The following ASRGL1 variants were observed in gnomAD, a reference collection of about 807,000 sequenced individuals.
ASRGL1 encodes the protein isoaspartyl peptidase/L-asparaginase.
A neutral mutation model predicts 22.4 loss-of-function variants in ASRGL1; 16 were observed. The ratio of observed to expected loss-of-function variants is 0.71; its 90% CI spans 0.48 to 1.08. The LOEUF (loss-of-function observed/expected upper bound fraction) is 1.08, where lower values mean the gene tolerates loss of function less well. ASRGL1 is among the 50% of genes least tolerant of loss of function. ASRGL1 has a pLI of 0.00. For missense variants in ASRGL1, 412 were observed against 410.1 expected (o/e 1.00, Z -0.04); for synonymous variants, 165 against 159.3 (o/e 1.04, Z -0.27).
chr11:62,361,827 G>A (rs1258563055), intron 4 of ASRGL1, among the ~76,000 whole-genome samples: 1 of 152,188 alleles, frequency 6.6e-6, no homozygotes, highest in East Asian at 1.9e-4. Context: ...CAACTAGAGT[G>A]TACCGTGGTA....
At chr11:62,357,382 T>C (rs1265457339) in intron 4 of ASRGL1, among the ~76,000 whole-genome samples, 2 of 150,860 alleles carry the variant, frequency 1.3e-5, no homozygotes, top group African/African-American at 4.9e-5. Context: ...CCTGAGTAGC[T>C]GGGACTACAG....
intron 4 of ASRGL1, among the ~76,000 whole-genome samples, chr11:62,364,921 T>A (rs1331349622): frequency 6.6e-6 from 1 of 151,344 alleles, no homozygotes; most frequent in East Asian, 2.0e-4. Context: ...ATATAAAAAT[T>A]AGCTGGGCGT....
At chr11:62,362,638 T>TAA (rs56709993) in intron 4 of ASRGL1, among the ~76,000 whole-genome samples, 1 of 22,730 alleles carries the variant, frequency 4.4e-5, no homozygotes, top group African/African-American at 1.5e-4. Context: ...AAAATATATA[T>TAA]AATATATAAT....
chr11:62,371,241 C>A, intron 4 of ASRGL1: 1 of 1,275,436 alleles, frequency 7.8e-7, no homozygotes, highest in Non-Finnish European at 1.0e-6. Flanking sequence ...GCCGGAAGCG[C>A]GAGCCTCCCG....
At chr11:62,361,233 C>T (rs1454825362) in intron 4 of ASRGL1, among the ~76,000 whole-genome samples, 8 of 151,714 alleles carry the variant, frequency 5.3e-5, no homozygotes, top group African/African-American at 1.9e-4. Context: ...ACTTTGTCAC[C>T]CAGGCTCGAG....
chr11:62,399,141 G>C, the ASRGL1 span, among the ~76,000 whole-genome samples: 6 of 152,272 alleles, frequency 3.9e-5, no homozygotes, highest in Non-Finnish European at 7.4e-5. Context: ...GCTTGAACCC[G>C]GGAGGCAGAG....
intron 2 of ASRGL1, among the ~76,000 whole-genome samples, chr11:62,342,697 G>A (rs1178027611): frequency 6.6e-6 from 1 of 151,996 alleles, no homozygotes; most frequent in Non-Finnish European, 1.5e-5. Flanking sequence ...GGGGGAGGTT[G>A]CAGTGGCTCA....
intron 2 of ASRGL1, among the ~76,000 whole-genome samples, chr11:62,346,828 C>T (rs1414562108): frequency 2.0e-5 from 3 of 151,994 alleles, no homozygotes; most frequent in Non-Finnish European, 4.4e-5. Flanking sequence ...AAATTAGCCT[C>T]GCATGGTGGT....
chr11:62,390,767 C>A (rs34191855), intron 5 of ASRGL1, among the ~76,000 whole-genome samples: 1 of 152,202 alleles, frequency 6.6e-6, no homozygotes, highest in African/African-American at 2.4e-5. Context: ...ATCTCAACTC[C>A]TGAGTCCTTG....
chr11:62,357,591 G>A (rs561076472), intron 4 of ASRGL1, among the ~76,000 whole-genome samples: 9 of 151,846 alleles, frequency 5.9e-5, no homozygotes, highest in Non-Finnish European at 4.4e-5. Context: ...AGAATTTCAC[G>A]TATTAATGTA....
chr11:62,347,807 G>A (rs1946065723), intron 2 of ASRGL1, among the ~76,000 whole-genome samples: 1 of 152,128 alleles, frequency 6.6e-6, no homozygotes, highest in African/African-American at 2.4e-5. Context: ...GGCTCCTGTA[G>A]TCCCAGCTAC....
downstream of ASRGL1, among the ~76,000 whole-genome samples, chr11:62,395,974 A>G (rs1262210807): frequency 6.6e-6 from 1 of 151,202 alleles, no homozygotes; most frequent in Non-Finnish European, 1.5e-5. Flanking sequence ...GGGTTTCATC[A>G]TGTTGGACAG....
chr11:62,362,583 AAATATAT>A (rs1565162106), intron 4 of ASRGL1, among the ~76,000 whole-genome samples: 8 of 35,644 alleles, frequency 2.2e-4, no homozygotes, highest in African/African-American at 1.0e-3. Context: ...ATATTATATA[AAATATAT>A]AATATATATT....
intron 4 of ASRGL1, chr11:62,372,327 A>G: frequency 2.5e-6 from 4 of 1,597,798 alleles, no homozygotes. Flanking sequence ...TGGCAACTAG[A>G]CAGACGCTGT....
chr11:62,343,923 T>TC (rs1565152123), intron 2 of ASRGL1, among the ~76,000 whole-genome samples: 2 of 146,068 alleles, frequency 1.4e-5, no homozygotes, highest in Non-Finnish European at 3.0e-5. Flanking sequence ...CATTTCTTTT[T>TC]TTTTTTTTTT....
At chr11:62,342,794 G>A (rs1945900012) in intron 2 of ASRGL1, among the ~76,000 whole-genome samples, 1 of 151,906 alleles carries the variant, frequency 6.6e-6, no homozygotes, top group Non-Finnish European at 1.5e-5. Flanking sequence ...ATCACACAAT[G>A]TGTAGCCTTA....
intron 4 of ASRGL1, among the ~76,000 whole-genome samples, chr11:62,380,630 G>A (rs1459824162): frequency 6.6e-6 from 1 of 152,166 alleles, no homozygotes; most frequent in African/African-American, 2.4e-5. Flanking sequence ...AATTGAGACA[G>A]TGAGAGTGAT....
chr11:62,352,356 T>A (rs1266500413), intron 2 of ASRGL1, among the ~76,000 whole-genome samples: 1 of 152,032 alleles, frequency 6.6e-6, no homozygotes, highest in African/African-American at 2.4e-5. Flanking sequence ...GAGGCCGAGG[T>A]GGGTGGATCA....
chr11:62,397,132 C>T (rs1009870316), downstream of ASRGL1, among the ~76,000 whole-genome samples: 5 of 152,124 alleles, frequency 3.3e-5, no homozygotes, highest in African/African-American at 7.2e-5. Flanking sequence ...TGGGTTCAAG[C>T]GATTCTCCTG....
Sources: allele counts gnomAD v4.1 joint callset (sites outside exome capture counted in the v4.1 genomes callset), GRCh38; gene constraint gnomAD v4.1.1; transcripts MANE v1.5; gene names NCBI Gene and HGNC (gene_info 2026-07-23, HGNC 2026-07-21).